KIF16B: variants seen among roughly 807,000 people sequenced by gnomAD.
The protein encoded by KIF16B is kinesin family member 16B.
In KIF16B, 98 loss-of-function variants were observed where a neutral mutation model predicts 156.3. That is an observed-to-expected ratio of 0.63 (90% confidence interval 0.53 to 0.74). KIF16B has a LOEUF of 0.74. KIF16B is among the 30% of genes least tolerant of loss of function. The pLI is 0.00. For synonymous variants in KIF16B, 564 were observed against 583.7 expected (o/e 0.97, Z 0.49); for missense variants, 1,421 against 1,606.5 (o/e 0.88, Z 1.97).
chr20:16,528,269 G>T, intron 2 of KIF16B, 102 bp downstream of exon 2: 1 of 852,362 alleles, frequency 1.2e-6, no homozygotes, highest in South Asian at 1.4e-5. Flanking sequence ...TGGAAAGGAG[G>T]GTGTGGAAAC....
intron 1 of KIF16B, among the ~76,000 whole-genome samples, chr20:16,548,197 C>G (rs2070486218): frequency 6.6e-6 from 1 of 152,210 alleles, no homozygotes; most frequent in Admixed American, 6.5e-5. Context: ...AACCGCTCAG[C>G]CTCTGTCTAC....
At chr20:16,493,296 G>A (rs2068352802) in intron 12 of KIF16B, among the ~76,000 whole-genome samples, 1 of 152,158 alleles carries the variant, frequency 6.6e-6, no homozygotes, top group South Asian at 2.1e-4. Flanking sequence ...AATGGTGCAA[G>A]GAGAACATTA....
intron 1 of KIF16B, among the ~76,000 whole-genome samples, chr20:16,548,453 G>A (rs6044106): frequency 2.6e-5 from 4 of 152,036 alleles, no homozygotes; most frequent in Admixed American, 6.5e-5. Flanking sequence ...GGCCACACAG[G>A]AGGAGGTCAG....
chr20:16,313,302 C>A (rs904705218), intron 24 of KIF16B, among the ~76,000 whole-genome samples: 1 of 152,202 alleles, frequency 6.6e-6, no homozygotes, highest in Non-Finnish European at 1.5e-5. Context: ...CAATGTAGGG[C>A]ACAATATGTC....
Position 16,427,159 on chromosome 20 carries a change from C to T in KIF16B, c.1557G>A (p.Gly519=), listed in dbSNP as rs2066376758. ...GGTVTLIPLS[G]SQCSVNGVQI... ...GAACACCATTCACAGAGCACTGGGA[C>T]CCACTCAGGGGTATCAGAGTCACTG... Residue 519 remains glycine, a synonymous_variant, in exon 15 of 26, where the codon GGG becomes GGA. Transcript: ENST00000354981. 1.2e-6 allele frequency: 2 copies of T among 1,612,688 alleles called. No homozygotes were observed. The highest frequency in any genetic ancestry group is 2.7e-5 in the African/African-American group (2 of 74,868).
At chr20:16,438,863 T>A (rs2066718047) in intron 12 of KIF16B, among the ~76,000 whole-genome samples, 1 of 152,172 alleles carries the variant, frequency 6.6e-6, no homozygotes, top group African/African-American at 2.4e-5. Context: ...GCAAAGTTGA[T>A]TAGTAATATG....
At chr20:16,413,233 A>G (rs922522925) in intron 15 of KIF16B, among the ~76,000 whole-genome samples, 6 of 152,142 alleles carry the variant, frequency 3.9e-5, no homozygotes, top group African/African-American at 1.2e-4. Context: ...AAATACCCAA[A>G]GACAGACAAA....
chr20:16,484,951 G>A (rs969213600), intron 12 of KIF16B, among the ~76,000 whole-genome samples: 3 of 152,162 alleles, frequency 2.0e-5, no homozygotes, highest in African/African-American at 2.4e-5. Flanking sequence ...AAAATGACAA[G>A]AATTATTGAT....
chr20:16,410,356 G>T (rs112256038), intron 15 of KIF16B, among the ~76,000 whole-genome samples: 3,053 of 149,084 alleles, frequency 0.02, 51 homozygotes, highest in Admixed American at 0.025. Flanking sequence ...TATATATATA[G>T]AGAGAGAGAC....
At chr20:16,353,499 T>C (rs1263575705) in intron 23 of KIF16B, among the ~76,000 whole-genome samples, 2 of 152,196 alleles carry the variant, frequency 1.3e-5, no homozygotes, top group African/African-American at 4.8e-5. Flanking sequence ...CAAACACTTA[T>C]CCAACACTTA....
At chr20:16,568,127 G>T (rs1055078044) in intron 1 of KIF16B, among the ~76,000 whole-genome samples, 13 of 151,968 alleles carry the variant, frequency 8.6e-5, no homozygotes, top group Admixed American at 3.3e-4. Flanking sequence ...ACACCCTAAA[G>T]ATATCAAATC....
chr20:16,449,330 T>C (rs188055102), intron 12 of KIF16B, among the ~76,000 whole-genome samples: 1 of 152,176 alleles, frequency 6.6e-6, no homozygotes, highest in East Asian at 1.9e-4. Flanking sequence ...AAACAGAGAA[T>C]GTTTACAAAA....
chr20:16,337,055 T>C (rs2064051392), intron 23 of KIF16B, among the ~76,000 whole-genome samples: 1 of 152,194 alleles, frequency 6.6e-6, no homozygotes, highest in African/African-American at 2.4e-5. Context: ...GCGAGCTTCA[T>C]GCTGCTCATA....
intron 1 of KIF16B, among the ~76,000 whole-genome samples, chr20:16,541,762 G>A (rs889913050): frequency 6.6e-6 from 1 of 152,246 alleles, no homozygotes; most frequent in African/African-American, 2.4e-5. Context: ...CCCAGGCAGA[G>A]GGAGAAGTGG....
chr20:16,528,482 T>G lies in KIF16B; in HGVS notation c.48-42A>C, dbSNP rs758535917. On this transcript the variant is annotated intron_variant, in intron 1 of 25. Coordinates refer to ENST00000354981, the MANE Select transcript of KIF16B (RefSeq NM_024704.5). ...TCAGTAGTGGTTAGAAGAGAAAAGATTATTAAAAACAAAACAAAACTAAAC... is the reference window on the plus strand; with the variant it reads ...TCAGTAGTGGTTAGAAGAGAAAAGAGTATTAAAAACAAAACAAAACTAAAC... 5 of 1,386,154 alleles carry G rather than the reference T, an allele frequency of 3.6e-6. No homozygotes were observed. The East Asian group carries it at 1.1e-4, about 32-fold the overall frequency. 85.9% of individuals were successfully genotyped at this position (1,386,154 alleles called of 1,614,324 possible).
intron 1 of KIF16B, among the ~76,000 whole-genome samples, chr20:16,569,186 G>A (rs2071370874): frequency 6.6e-6 from 1 of 152,148 alleles, no homozygotes; most frequent in Non-Finnish European, 1.5e-5. Context: ...CCAAGCTTCA[G>A]AACTACGAGA....
intron 12 of KIF16B, among the ~76,000 whole-genome samples, chr20:16,452,835 A>C (rs1257568601): frequency 1.4e-5 from 2 of 146,762 alleles, no homozygotes; most frequent in Non-Finnish European, 3.0e-5. Context: ...ACTCCGTCTC[A>C]AAAAAAAAAA....
chr20:16,520,344 G>A (rs764881743), intron 3 of KIF16B, among the ~76,000 whole-genome samples: 49 of 152,212 alleles, frequency 3.2e-4, no homozygotes, highest in Admixed American at 8.5e-4. Context: ...TTAGTGGGGG[G>A]AGGGGCATCC....
intron 25 of KIF16B, among the ~76,000 whole-genome samples, chr20:16,286,092 C>A (rs1456781720): frequency 6.6e-6 from 1 of 152,212 alleles, no homozygotes; most frequent in Admixed American, 6.5e-5. Context: ...TAATTTTTCA[C>A]TACTTTAGTC....
Sources: allele counts gnomAD v4.1 joint callset (sites outside exome capture counted in the v4.1 genomes callset), GRCh38; gene constraint gnomAD v4.1.1; transcripts MANE v1.5; gene names NCBI Gene and HGNC (gene_info 2026-07-23, HGNC 2026-07-21).